The following CSMD3 variants were observed in gnomAD, a reference collection of about 807,000 sequenced individuals.
CSMD3 encodes the protein CUB and Sushi multiple domains 3, also known as CUB and sushi domain-containing protein 3.
In CSMD3, 177 loss-of-function variants were observed where a neutral mutation model predicts 435.2. The observed-to-expected ratio is 0.41, with a 90% CI of 0.36 to 0.46. CSMD3 has a LOEUF of 0.46. Among genes scored for constraint, CSMD3 ranks in the 20% least tolerant of loss-of-function variants. The probability of loss-of-function intolerance (pLI) is 0.34; values close to 1 mark genes in which losing one functional copy is unlikely to be tolerated. For missense variants in CSMD3, 4,265 were observed against 4,504.6 expected (o/e 0.95, Z 1.52); for synonymous variants, 1,656 against 1,520.5 (o/e 1.09, Z -2.07).
intron 3 of CSMD3, among the ~76,000 whole-genome samples, chr8:113,253,471 GTTTTT>G (rs915342094): frequency 6.8e-6 from 1 of 147,758 alleles, no homozygotes; most frequent in Non-Finnish European, 1.5e-5. Flanking sequence ...ATTTAAAACT[GTTTTT>G]TTTTTCTTTC....
chr8:113,118,279 G>A (rs2090893730), intron 4 of CSMD3, among the ~76,000 whole-genome samples: 1 of 152,030 alleles, frequency 6.6e-6, no homozygotes, highest in Non-Finnish European at 1.5e-5. Context: ...CTAGAATGAG[G>A]CTGACTTATG....
rs143136314 is a variant in CSMD3, at chr8:112,546,913, A to G, written c.4564+3758T>C. Among the ~76,000 whole-genome samples, 146 of 152,298 alleles carry G rather than the reference A, an allele frequency of 9.6e-4. 3 individuals carry two copies. The East Asian group carries it at 0.019, about 20-fold the overall frequency. ...ATTATCAAGTTGGTCTGTGGCCTAC[A>G]TTTCTGTTAAATTTACTTTGCACCA... On this transcript the variant is annotated intron_variant, in intron 27 of 70. Coordinates refer to ENST00000297405, the MANE Select transcript of CSMD3 (RefSeq NM_198123.2).
chr8:112,644,511 C>T (rs1008616706), intron 20 of CSMD3, among the ~76,000 whole-genome samples: 6 of 152,092 alleles, frequency 3.9e-5, no homozygotes, highest in Admixed American at 2.6e-4. Flanking sequence ...TTTAATACTA[C>T]AGAGCCTTTT....
chr8:113,393,044 T>C (rs1053648190), intron 1 of CSMD3, among the ~76,000 whole-genome samples: 1 of 151,980 alleles, frequency 6.6e-6, no homozygotes, highest in African/African-American at 2.4e-5. Flanking sequence ...TGTATGTTTG[T>C]ATATTTTCTG....
intron 9 of CSMD3, among the ~76,000 whole-genome samples, chr8:112,941,274 C>T (rs993009237): frequency 1.8e-4 from 27 of 151,808 alleles, no homozygotes; most frequent in African/African-American, 6.3e-4. Context: ...AATTTGTTAC[C>T]ACACAAAATA....
intron 5 of CSMD3, among the ~76,000 whole-genome samples, chr8:113,050,069 A>T (rs1032023865): frequency 6.6e-6 from 1 of 152,150 alleles, no homozygotes; most frequent in Non-Finnish European, 1.5e-5. Context: ...CTTCATTTAG[A>T]AAATTATCCT....
At chr8:113,151,937 AAT>A (rs2091815855) in intron 4 of CSMD3, among the ~76,000 whole-genome samples, 1 of 152,014 alleles carries the variant, frequency 6.6e-6, no homozygotes, top group African/African-American at 2.4e-5. Context: ...ACAGCTCAGA[AAT>A]AGTCAAATCT....
chr8:113,204,827 C>A (rs890945565), intron 3 of CSMD3, among the ~76,000 whole-genome samples: 2 of 152,016 alleles, frequency 1.3e-5, no homozygotes, highest in Non-Finnish European at 2.9e-5. Context: ...AAGATATACC[C>A]GAGACTGGGC....
intron 21 of CSMD3, among the ~76,000 whole-genome samples, chr8:112,637,250 GAAT>G (rs1347632667): frequency 6.6e-6 from 1 of 151,966 alleles, no homozygotes; most frequent in Non-Finnish European, 1.5e-5. Flanking sequence ...ATCACCTTCT[GAAT>G]AATAAATTAA....
At chr8:113,300,931 A>G (rs915958459) in intron 2 of CSMD3, among the ~76,000 whole-genome samples, 3 of 152,156 alleles carry the variant, frequency 2.0e-5, no homozygotes, top group African/African-American at 7.2e-5. Flanking sequence ...AATATGCCAC[A>G]GCATGGATAA....
rs5894083 is a variant in CSMD3 at position 112,433,853 on chromosome 8, G to GTT, written c.5396-24823_5396-24822dup. Among the ~76,000 whole-genome samples the GTT allele has an allele frequency of 1.0e-3, 151 of 151,186 alleles. 1 individual carries two copies. The highest frequency in any genetic ancestry group is 1.7e-3 in the Non-Finnish European group (112 of 67,730). ...AGAAAGCCATCTATTTTAGTGCTAAGTTTTTTTTTGTTAGAATCAATTACT... is the reference window on the plus strand; with the variant it reads ...AGAAAGCCATCTATTTTAGTGCTAAGTTTTTTTTTTTGTTAGAATCAATTACT... On this transcript the variant is annotated intron_variant, in intron 32 of 70. Coordinates refer to ENST00000297405, the MANE Select transcript of CSMD3 (RefSeq NM_198123.2).
intron 38 of CSMD3, among the ~76,000 whole-genome samples, chr8:112,378,759 T>C (rs1206016977): frequency 5.3e-5 from 8 of 152,244 alleles, no homozygotes; most frequent in South Asian, 2.1e-4. Context: ...CTAGAGTTAA[T>C]GGTAATTTAT....
chr8:113,071,908 G>A (rs907058328), intron 5 of CSMD3, among the ~76,000 whole-genome samples: 1 of 151,420 alleles, frequency 6.6e-6, no homozygotes, highest in African/African-American at 2.4e-5. Flanking sequence ...GGGTATTATG[G>A]GCATTTAAAA....
chr8:112,457,968 T>C (rs777270998), intron 32 of CSMD3, among the ~76,000 whole-genome samples: 5 of 152,146 alleles, frequency 3.3e-5, no homozygotes, highest in Middle Eastern at 3.4e-3. Flanking sequence ...ACATAGAAAA[T>C]GTCCTCCTCA....
chr8:113,372,025 C>G (rs2094348699), intron 1 of CSMD3, among the ~76,000 whole-genome samples: 1 of 152,028 alleles, frequency 6.6e-6, no homozygotes, highest in Non-Finnish European at 1.5e-5. Flanking sequence ...CAGTTCCACA[C>G]TAGTTAAAAA....
At chr8:113,154,999 A>G (rs1171340755) in intron 4 of CSMD3, among the ~76,000 whole-genome samples, 4 of 152,020 alleles carry the variant, frequency 2.6e-5, no homozygotes, top group African/African-American at 4.8e-5. Context: ...TAAACAAGCT[A>G]CTTTGGGGAC....
chr8:113,399,270 TC>T (rs1370448081), intron 1 of CSMD3, among the ~76,000 whole-genome samples: 1 of 151,306 alleles, frequency 6.6e-6, no homozygotes, highest in Non-Finnish European at 1.5e-5. Context: ...TGACAATTCC[TC>T]AAAAAGTTAA....
At chr8:112,908,165 T>C (rs1207603658) in intron 10 of CSMD3, among the ~76,000 whole-genome samples, 1 of 151,510 alleles carries the variant, frequency 6.6e-6, no homozygotes, top group Admixed American at 6.6e-5. Flanking sequence ...TAGGAAATAC[T>C]AGCTTAACGT....
At chr8:112,359,769 C>G (rs1827005620) in intron 38 of CSMD3, among the ~76,000 whole-genome samples, 1 of 152,074 alleles carries the variant, frequency 6.6e-6, no homozygotes, top group African/African-American at 2.4e-5. Context: ...AGAGTCTGTA[C>G]ATTGCAATCC....
Sources: gnomAD v4.1 joint callset for allele counts (sites outside exome capture counted in the v4.1 genomes callset) on GRCh38, gnomAD v4.1.1 for gene constraint, MANE v1.5 for transcripts, NCBI Gene and HGNC (gene_info 2026-07-23, HGNC 2026-07-21) for gene names.